The following LRRN1 variants were observed in gnomAD, a reference collection of about 807,000 sequenced individuals.
The protein encoded by LRRN1 is leucine rich repeat neuronal 1.
LRRN1 carries 14 observed loss-of-function variants against 45.8 expected under a neutral mutation model. The ratio of observed to expected loss-of-function variants is 0.31; its 90% CI spans 0.20 to 0.48. The LOEUF (loss-of-function observed/expected upper bound fraction) is 0.48. Among genes scored for constraint, LRRN1 ranks in the 20% least tolerant of loss-of-function variants. LRRN1 has a pLI of 0.99. For synonymous variants in LRRN1, 359 were observed against 330.1 expected, an observed-to-expected ratio of 1.09 and a Z score of -0.95; for missense variants, 789 against 874.2, an observed-to-expected ratio of 0.90 and a Z score of 1.23.
At position 3,846,973 on chromosome 3, in the gene LRRN1, T is replaced by G; in HGVS notation, c.*181T>G. The G allele has an allele frequency of 2.0e-6, 1 of 492,376 alleles. No individual in the cohort carries two copies. The highest frequency in any genetic ancestry group is 3.7e-6 in the Non-Finnish European group (1 of 273,846). The allele number at this position is 492,376 out of a possible 1,614,324, so 30.5% of individuals were successfully genotyped here. On this transcript the variant is annotated 3_prime_UTR_variant, in exon 2 of 2. Transcript: ENST00000319331. The surrounding 1 kb of genome is among the most constrained non-coding windows in gnomAD (Gnocchi z 5.7). ...GCGTATCGCAAGGGTTTGACACGGC[T>G]GCCAGCGACTCTAGGCTTCCAGTCT... is the stretch of plus-strand genomic sequence containing the variant.
In LRRN1 at chr3:3,844,569, A is replaced by C. The variant is rs1693715321; in HGVS notation, c.-73A>C. On this transcript the variant is annotated 5_prime_UTR_variant, in exon 2 of 2. Coordinates refer to ENST00000319331, the MANE Select transcript of LRRN1 (RefSeq NM_020873.7). ...TTACATTTTCTGCTCGCTGTCCTACATATCACAATATAGTGTTCACGTTTT... is the reference window on the plus strand; with the variant it reads ...TTACATTTTCTGCTCGCTGTCCTACCTATCACAATATAGTGTTCACGTTTT... The C allele has an allele frequency of 8.9e-7, 1 of 1,128,126 alleles. No individual in the cohort carries two copies. The highest frequency in any genetic ancestry group is 1.6e-5 in the African/African-American group (1 of 64,418). 69.9% of individuals were successfully genotyped at this position (1,128,126 alleles called of 1,614,324 possible).
intron 1 of LRRN1, among the ~76,000 whole-genome samples, chr3:3,819,382 T>C (rs1693055264): frequency 6.6e-6 from 1 of 152,182 alleles, no homozygotes; most frequent in Non-Finnish European, 1.5e-5. Context: ...AACAGAAATT[T>C]ATTATTTCAC....
chr3:3,846,370 G>A lies in LRRN1; in HGVS notation c.1729G>A (p.Asp577Asn), dbSNP rs753266314. 11 of 1,613,684 alleles carry A rather than the reference G, an allele frequency of 6.8e-6. No homozygotes were observed. The highest frequency in any genetic ancestry group is 1.6e-4 in the Middle Eastern group (1 of 6,062). ...AACATATACTGCCAGGGTCCCAGTC[G>A]ATGTCCATGAATACAACCTAACGCA... ...HITYTARVPV[D>N]VHEYNLTHLQ... Residue 577 changes from aspartate (D) to asparagine (N), a missense_variant, in exon 2 of 2, where the codon GAT becomes AAT. By Grantham distance (23) the Asp-to-Asn change is conservative (BLOSUM62 1). Transcript: ENST00000319331. The surrounding 1 kb of genome is among the most constrained non-coding windows in gnomAD (Gnocchi z 5.7).
At chr3:3,818,434 C>T (rs1660152878) in intron 1 of LRRN1, among the ~76,000 whole-genome samples, 1 of 152,174 alleles carries the variant, frequency 6.6e-6, no homozygotes, top group African/African-American at 2.4e-5. Flanking sequence ...GGCCTTCTGT[C>T]AGTTTCTCAA....
intron 1 of LRRN1, among the ~76,000 whole-genome samples, chr3:3,805,739 T>G (rs1286676168): frequency 6.6e-6 from 1 of 152,176 alleles, no homozygotes; most frequent in Admixed American, 6.5e-5. Flanking sequence ...CATTGACAGT[T>G]TCTCACCACC....
Position 3,846,489 on chromosome 3 carries a change from T to C in LRRN1, c.1848T>C (p.Asn616=). The C allele has an allele frequency of 1.2e-6, 2 of 1,614,146 alleles. No homozygotes were observed. The highest frequency in any genetic ancestry group is 1.7e-6 in the Non-Finnish European group (2 of 1,180,022). Residue 616 remains asparagine, a synonymous_variant, in exon 2 of 2, where the codon AAT becomes AAC. Transcript: ENST00000319331. This position sits in a 1 kb window ranked among gnomAD's most constrained non-coding sequence, Gnocchi z 5.7. ...QKSCVNVTTK[N]AAFAVDISDQ... ...CATGCGTAAATGTCACAACCAAAAA[T>C]GCCGCCTTCGCAGTGGACATCTCTG... is the stretch of plus-strand genomic sequence containing the variant.
chr3:3,824,115 T>C (rs2106459881), intron 1 of LRRN1, among the ~76,000 whole-genome samples: 1 of 152,336 alleles, frequency 6.6e-6, no homozygotes, highest in East Asian at 1.9e-4. Context: ...GCATGGGCCC[T>C]ATGTCCATGA....
intron 1 of LRRN1, among the ~76,000 whole-genome samples, chr3:3,813,222 G>C: frequency 6.6e-6 from 1 of 152,206 alleles, no homozygotes; most frequent in East Asian, 1.9e-4. Context: ...ACAAGCTTTA[G>C]ATGGTAATTT....
chr3:3,830,254 G>A (rs1442772714), intron 1 of LRRN1, among the ~76,000 whole-genome samples: 2 of 152,158 alleles, frequency 1.3e-5, no homozygotes, highest in African/African-American at 2.4e-5. Context: ...GACCACTCAG[G>A]TCAATCCACA....
chr3:3,835,127 G>A (rs548703253), intron 1 of LRRN1, among the ~76,000 whole-genome samples: 1 of 152,178 alleles, frequency 6.6e-6, no homozygotes, highest in African/African-American at 2.4e-5. Flanking sequence ...TTTAAGTACA[G>A]ATGCTTCTCA....
intron 1 of LRRN1, among the ~76,000 whole-genome samples, chr3:3,805,147 T>G (rs1039803266): frequency 6.6e-6 from 1 of 152,208 alleles, no homozygotes; most frequent in Admixed American, 6.5e-5. Flanking sequence ...AGCACCAATA[T>G]TAGCACCTAT....
chr3:3,846,403 C>G lies in LRRN1; in HGVS notation c.1762C>G (p.Pro588Ala). The stretch of plus-strand genomic sequence containing the variant: ...TGAATACAACCTAACGCATCTGCAG[C>G]CTTCCACAGATTATGAAGTGTGTCT... ...VHEYNLTHLQPSTDYEVCLTV... is the reference protein window; with the variant it reads ...VHEYNLTHLQASTDYEVCLTV... Residue 588 changes from proline (P) to alanine (A), a missense_variant, in exon 2 of 2, where the codon CCT becomes GCT. Physicochemically the swap from Pro to Ala is conservative, Grantham distance 27 (BLOSUM62 -1). Coordinates refer to ENST00000319331, the MANE Select transcript of LRRN1 (RefSeq NM_020873.7). The surrounding 1 kb of genome is among the most constrained non-coding windows in gnomAD (Gnocchi z 5.7). 1 of 1,613,940 alleles carries G rather than the reference C, an allele frequency of 6.2e-7. No individual in the cohort carries two copies. Among genetic ancestry groups the G allele is most frequent in the South Asian group, 1.1e-5 (1 of 91,082 alleles).
chr3:3,806,817 G>A (rs1360884597), intron 1 of LRRN1, among the ~76,000 whole-genome samples: 1 of 152,204 alleles, frequency 6.6e-6, no homozygotes, highest in Non-Finnish European at 1.5e-5. Context: ...GTCATGGAGA[G>A]GTTCATTGTG....
intron 1 of LRRN1, among the ~76,000 whole-genome samples, chr3:3,836,823 C>T (rs1364726456): frequency 2.0e-5 from 3 of 152,108 alleles, no homozygotes; most frequent in Non-Finnish European, 4.4e-5. Context: ...TCCCCTGTTG[C>T]TGGTACCACA....
At chr3:3,802,546 A>G (rs1194395778) in intron 1 of LRRN1, among the ~76,000 whole-genome samples, 1 of 152,154 alleles carries the variant, frequency 6.6e-6, no homozygotes, top group South Asian at 2.1e-4. Context: ...TTAGTCTGCT[A>G]TTTTACATGT....
At position 3,844,862 on chromosome 3, in the gene LRRN1, C is replaced by T; in HGVS notation, c.221C>T (p.Thr74Ile). ...ATTCCCAGTAACCTCTCTAGTGACA[C>T]ACAAGTGCTTCTCTTACAGAGCAAT... ...TRIPSNLSSD[T>I]QVLLLQSNNI... is the part of the protein sequence containing the mutation. The change falls in exon 2 of 2, where the codon ACA (threonine) becomes ATA (isoleucine). Residue 74 changes from threonine (T) to isoleucine (I), a missense_variant. Transcript: ENST00000319331. 7 of 1,614,178 alleles carry T rather than the reference C, an allele frequency of 4.3e-6. No individual in the cohort carries two copies. The highest frequency in any genetic ancestry group is 5.9e-6 in the Non-Finnish European group (7 of 1,180,012).
intron 1 of LRRN1, among the ~76,000 whole-genome samples, chr3:3,803,594 A>G (rs980150077): frequency 1.3e-5 from 2 of 152,222 alleles, no homozygotes; most frequent in Non-Finnish European, 2.9e-5. Context: ...TCATATGATC[A>G]TTTAGAATCA....
intron 1 of LRRN1, among the ~76,000 whole-genome samples, chr3:3,803,785 C>T (rs1261477825): frequency 6.6e-6 from 1 of 152,112 alleles, no homozygotes; most frequent in Non-Finnish European, 1.5e-5. Context: ...ACTTTAGTGA[C>T]CAAGGGATCC....
intron 1 of LRRN1, among the ~76,000 whole-genome samples, chr3:3,840,319 TA>T (rs1693621555): frequency 6.6e-6 from 1 of 152,232 alleles, no homozygotes; most frequent in African/African-American, 2.4e-5. Flanking sequence ...ATTCCTGGTA[TA>T]AATCCAACTT....
Sources: gnomAD v4.1 joint callset for allele counts (sites outside exome capture counted in the v4.1 genomes callset) on GRCh38, gnomAD v4.1.1 for gene constraint, Gnocchi (gnomAD v3.1) non-coding constraint, MANE v1.5 for transcripts, NCBI Gene and HGNC (gene_info 2026-07-23, HGNC 2026-07-21) for gene names.